The following ANK2 variants were observed in gnomAD, a reference collection of about 807,000 sequenced individuals.
ANK2 encodes the protein ankyrin-2.
A neutral mutation model predicts 360.5 loss-of-function variants in ANK2; 83 were observed. That is an observed-to-expected ratio of 0.23 (90% CI 0.19 to 0.28). The LOEUF is 0.28. Among genes scored for constraint, ANK2 ranks in the 10% least tolerant of loss-of-function variants. The pLI is 1.00. For synonymous variants in ANK2, 1,740 were observed against 1,759.5 expected (o/e 0.99, Z 0.28); for missense variants, 4,201 against 4,795.7 (o/e 0.88, Z 3.66).
chr4:113,193,764 A>G (rs1301621537), intron 2 of ANK2, among the ~76,000 whole-genome samples: 1 of 152,146 alleles, frequency 6.6e-6, no homozygotes, highest in African/African-American at 2.4e-5. Context: ...TTCCTTCACA[A>G]TTACTGCCTT....
chr4:113,274,076 T>G (rs954113953), intron 14 of ANK2, among the ~76,000 whole-genome samples: 1 of 152,214 alleles, frequency 6.6e-6, no homozygotes, highest in Non-Finnish European at 1.5e-5. Context: ...ATCCTGTTTC[T>G]AAGTGAAAAC....
chr4:112,951,404 CT>C (rs1364587427), intron 2 of ANK2, among the ~76,000 whole-genome samples: 2 of 152,098 alleles, frequency 1.3e-5, no homozygotes, highest in Non-Finnish European at 2.9e-5. Context: ...TGATAACTAG[CT>C]GGTATAAAAA....
chr4:112,781,873 A>T, the ANK2 span, among the ~76,000 whole-genome samples: 1 of 130,894 alleles, frequency 7.6e-6, no homozygotes, highest in South Asian at 2.4e-4. Context: ...TCTGTTGCCC[A>T]GGCTGGAGTG....
chr4:113,185,276 G>A (rs996394766), intron 2 of ANK2, among the ~76,000 whole-genome samples: 23 of 152,178 alleles, frequency 1.5e-4, no homozygotes, highest in African/African-American at 5.6e-4. Context: ...CTAGATCCTT[G>A]AGGAATTGCC....
At chr4:112,760,808 C>CTT in the ANK2 span, among the ~76,000 whole-genome samples, 2,329 of 138,252 alleles carry the variant, frequency 0.017, 78 homozygotes, top group African/African-American at 0.058. Context: ...TCTTCTTCTT[C>CTT]TTTTTTTTTT....
In ANK2 at chr4:112,927,705, CTAAACTATAGTCA is replaced by C. The variant is rs1411785089; in HGVS notation, c.21+23198_21+23210del. 2.0e-5 allele frequency among the ~76,000 whole-genome samples: 3 copies of C among 152,302 alleles called. No individual in the cohort carries two copies. The East Asian group carries it at 5.8e-4, about 29-fold the overall frequency. ...ATCATAGTCATTCTCATGTCTTTTACTAAACTATAGTCATAAACTCCATTGCATTCACTGGAGA... is the reference window on the plus strand; with the variant it reads ...ATCATAGTCATTCTCATGTCTTTTACTAAACTCCATTGCATTCACTGGAGA... On this transcript the variant is annotated intron_variant, in intron 2 of 30. Transcript: ENST00000503271.
intron 1 of ANK2, among the ~76,000 whole-genome samples, chr4:113,057,112 C>G (rs1645018427): frequency 6.6e-6 from 1 of 152,058 alleles, no homozygotes; most frequent in Non-Finnish European, 1.5e-5. Context: ...AGGCTAAAAG[C>G]CAATGATTGA....
intron 31 of ANK2, among the ~76,000 whole-genome samples, chr4:113,337,624 A>G (rs73841969): frequency 0.024 from 3,714 of 152,212 alleles, 156 homozygotes; most frequent in African/African-American, 0.083. Context: ...TTTCTCTTTC[A>G]TATTGGCAGA....
intron 2 of ANK2, among the ~76,000 whole-genome samples, chr4:113,014,078 C>G (rs930672323): frequency 7.2e-5 from 11 of 151,962 alleles, no homozygotes; most frequent in Admixed American, 3.9e-4. Flanking sequence ...TTTAGGTTGG[C>G]TGGATATGGG....
chr4:113,184,875 C>A (rs1206293919), intron 2 of ANK2, among the ~76,000 whole-genome samples: 1 of 152,068 alleles, frequency 6.6e-6, no homozygotes, highest in Non-Finnish European at 1.5e-5. Context: ...CACTCCCCAA[C>A]AGGCCCCGGT....
chr4:113,012,426 A>G (rs1374076017), intron 2 of ANK2, among the ~76,000 whole-genome samples: 2 of 152,154 alleles, frequency 1.3e-5, no homozygotes, highest in Non-Finnish European at 2.9e-5. Flanking sequence ...TTCCTTTCAG[A>G]GAATAAGCTC....
intron 2 of ANK2, among the ~76,000 whole-genome samples, chr4:113,020,510 G>A (rs1221415863): frequency 6.6e-6 from 1 of 152,056 alleles, no homozygotes; most frequent in Admixed American, 6.6e-5. Context: ...CAGTCTTAAC[G>A]ATAATTTGTT....
intron 24 of ANK2, 55 bp downstream of exon 24, chr4:113,311,454 T>C: frequency 6.3e-7 from 1 of 1,597,674 alleles, no homozygotes; most frequent in Non-Finnish European, 8.6e-7. Flanking sequence ...AACATATTTT[T>C]TATGATGATG....
At chr4:112,751,890 G>T in the ANK2 span, among the ~76,000 whole-genome samples, 1 of 152,298 alleles carries the variant, frequency 6.6e-6, no homozygotes, top group Non-Finnish European at 1.5e-5. Flanking sequence ...CAGCACAGCT[G>T]GGAAACCCTT....
At chr4:113,234,473 C>T (rs1380992098) in intron 5 of ANK2, among the ~76,000 whole-genome samples, 1 of 152,138 alleles carries the variant, frequency 6.6e-6, no homozygotes, top group Non-Finnish European at 1.5e-5. Context: ...TCAATGCCTG[C>T]ACTAATGGTT....
chr4:112,976,402 C>A (rs1443095658), intron 2 of ANK2, among the ~76,000 whole-genome samples: 1 of 152,104 alleles, frequency 6.6e-6, no homozygotes, highest in African/African-American at 2.4e-5. Flanking sequence ...CTGTGTTGGT[C>A]AGGCTGGTCT....
chr4:113,033,050 G>A lies in ANK2; in HGVS notation c.21+128536G>A, dbSNP rs185933153. ...CTACTCCATTTGTCCACATTGGGCC[G>A]TTTAAGTTGGATTACACTTAAGAAA... On this transcript the variant is annotated intron_variant, in intron 2 of 30. Coordinates refer to the ANK2 transcript ENST00000503271. Among the ~76,000 whole-genome samples the A allele has an allele frequency of 2.2e-4, 34 of 152,130 alleles. 1 individual carries two copies. The South Asian group carries it at 6.2e-3, about 28-fold the overall frequency.
At chr4:112,828,615 T>A (rs866901473) in intron 1 of ANK2, among the ~76,000 whole-genome samples, 10 of 152,220 alleles carry the variant, frequency 6.6e-5, no homozygotes, top group Admixed American at 3.9e-4. Context: ...ACACAGGCTC[T>A]GGCAAAGATG....
chr4:113,169,475 A>G (rs1408524117), intron 1 of ANK2, among the ~76,000 whole-genome samples: 6 of 152,202 alleles, frequency 3.9e-5, no homozygotes, highest in Non-Finnish European at 8.8e-5. Context: ...GTTTTTACAA[A>G]GGAATGACTG....
Sources: gnomAD v4.1 joint callset for allele counts (sites outside exome capture counted in the v4.1 genomes callset) on GRCh38, gnomAD v4.1.1 for gene constraint, MANE v1.5 for transcripts, NCBI Gene and HGNC (gene_info 2026-07-23, HGNC 2026-07-21) for gene names.